NRK: variants seen among roughly 807,000 people sequenced by gnomAD.
NRK encodes the protein nik-related protein kinase.
Under a neutral mutation model 125.2 loss-of-function variants are expected in NRK, and 67 were observed. The ratio of observed to expected loss-of-function variants is 0.54; its 90% CI spans 0.44 to 0.66. NRK has a LOEUF of 0.66. NRK is among the 30% of genes least tolerant of loss of function. NRK has a pLI of 0.00. For synonymous variants in NRK, 458 were observed against 429.0 expected (o/e 1.07, Z -0.84); for missense variants, 1,224 against 1,192.9 (o/e 1.03, Z -0.38).
At chrX:105,947,973 C>T (rs1284746410) in intron 26 of NRK, among the ~76,000 whole-genome samples, 1 of 111,858 alleles carries the variant, frequency 8.9e-6, no homozygotes, top group African/African-American at 3.2e-5. Flanking sequence ...AAATACTGAA[C>T]CAATCTTAGC....
At chrX:105,895,151 A>T in intron 6 of NRK, 1 of 479,539 alleles carries the variant, frequency 2.1e-6, no homozygotes, top group Non-Finnish European at 3.7e-6. Context: ...GCTAAAAAGG[A>T]AGGTAAAGTG....
At chrX:105,954,912 C>T (rs1276057706) in intron 28 of NRK, among the ~76,000 whole-genome samples, 1 of 111,501 alleles carries the variant, frequency 9.0e-6, no homozygotes, top group East Asian at 2.8e-4. Flanking sequence ...AAATGATAAC[C>T]ACATGAGGTG....
chrX:105,951,645 A>G (rs2040899682), intron 27 of NRK, among the ~76,000 whole-genome samples: 1 of 112,257 alleles, frequency 8.9e-6, no homozygotes, highest in Admixed American at 9.5e-5. Flanking sequence ...ATGTGTTCAA[A>G]TCATTGCTCT....
intron 1 of NRK, among the ~76,000 whole-genome samples, chrX:105,827,180 C>CA (rs746098728): frequency 1.8e-5 from 2 of 111,571 alleles, no homozygotes; most frequent in Non-Finnish European, 3.8e-5. Context: ...CTCTGAAACT[C>CA]ACTCAGGCAC....
chrX:105,858,303 G>A (rs1478937339), intron 2 of NRK, among the ~76,000 whole-genome samples: 1 of 109,385 alleles, frequency 9.1e-6, no homozygotes, highest in Non-Finnish European at 1.9e-5. Flanking sequence ...TCATAGAAAT[G>A]CACACTAAAA....
chrX:105,894,013 T>C, intron 6 of NRK, 71 bp downstream of exon 6: 1 of 529,588 alleles, frequency 1.9e-6, no homozygotes, highest in East Asian at 3.7e-5. Context: ...ATGCACCTTA[T>C]ACCTGCTCAC....
intron 2 of NRK, among the ~76,000 whole-genome samples, chrX:105,857,978 G>A (rs981879854): frequency 9.0e-6 from 1 of 110,625 alleles, no homozygotes; most frequent in Non-Finnish European, 1.9e-5. Context: ...GTCACCTGAG[G>A]AACCCTACCT....
chrX:105,838,413 A>G (rs1041699497), intron 2 of NRK, among the ~76,000 whole-genome samples: 1 of 110,809 alleles, frequency 9.0e-6, no homozygotes, highest in Admixed American at 9.7e-5. Context: ...GTTAAGGTTA[A>G]TACTAGTGAG....
chrX:105,894,559 G>C (rs770226084), intron 6 of NRK, among the ~76,000 whole-genome samples: 24 of 111,560 alleles, frequency 2.2e-4, no homozygotes, highest in African/African-American at 6.2e-4. Flanking sequence ...ATTTTGGTTG[G>C]ATTCACTTGT....
At position 105,947,460 on chromosome X, in the gene NRK, A is replaced by G. The variant is rs926293468; in HGVS notation, c.4353+996A>G. ...TCCGTCTCAAAAAAAAAAAAAAAAA[A>G]AAAGAAAGAAATACGGTGCAACATC... is the stretch of plus-strand genomic sequence containing the variant. On this transcript the variant is annotated intron_variant, in intron 26 of 28. Coordinates refer to ENST00000243300, the MANE Select transcript of NRK (RefSeq NM_198465.4). Among the ~76,000 whole-genome samples, 87 of 56,896 alleles carry G rather than the reference A, an allele frequency of 1.5e-3. 9 individuals carry two copies. The highest frequency in any genetic ancestry group is 3.6e-3 in the African/African-American group (20 of 5,581). The allele number at this position is 56,896 out of a possible 115,157, so 49.4% of individuals were successfully genotyped here.
intron 2 of NRK, among the ~76,000 whole-genome samples, chrX:105,843,104 GTGCAT>G (rs2039350501): frequency 8.9e-6 from 1 of 111,800 alleles, no homozygotes; most frequent in Admixed American, 9.5e-5. Flanking sequence ...ACCTAGTAAA[GTGCAT>G]TGTACATATT....
intron 18 of NRK, among the ~76,000 whole-genome samples, chrX:105,924,171 G>A (rs150768845): frequency 0.012 from 1,359 of 109,722 alleles, 14 homozygotes; most frequent in Non-Finnish European, 0.02. Context: ...CATGAGGTAT[G>A]TATTGCTGAA....
intron 2 of NRK, among the ~76,000 whole-genome samples, chrX:105,836,829 G>C (rs774618390): frequency 7.1e-5 from 8 of 111,940 alleles, no homozygotes; most frequent in Admixed American, 6.6e-4. Flanking sequence ...ATAAAATGGG[G>C]CTAATAATAC....
chrX:105,842,768 A>T (rs967863024), intron 2 of NRK, among the ~76,000 whole-genome samples: 1 of 111,256 alleles, frequency 9.0e-6, no homozygotes, highest in African/African-American at 3.3e-5. Context: ...AAGCAGGTGG[A>T]TGGAAACAGT....
intron 16 of NRK, among the ~76,000 whole-genome samples, chrX:105,920,361 T>C (rs1172761958): frequency 9.5e-6 from 1 of 105,208 alleles, no homozygotes; most frequent in Non-Finnish European, 1.9e-5. Flanking sequence ...GGCTTAGGAT[T>C]GACTTGGCGA....
chrX:105,915,085 T>A (rs778737463), intron 14 of NRK, among the ~76,000 whole-genome samples: 2 of 109,475 alleles, frequency 1.8e-5, no homozygotes, highest in East Asian at 5.7e-4. Flanking sequence ...ATTGTATGAT[T>A]AGTAAAATGC....
intron 4 of NRK, among the ~76,000 whole-genome samples, chrX:105,885,772 G>A (rs951119332): frequency 1.5e-4 from 17 of 111,643 alleles, no homozygotes; most frequent in African/African-American, 5.5e-4. Flanking sequence ...TTCTGATAGC[G>A]CTCGGAGTAA....
rs1218283633 is a variant in NRK at position 105,958,023 on chromosome X, A to C, written c.*2423A>C. 1 of 112,383 alleles carries C rather than the reference A, an allele frequency of 8.9e-6. No homozygotes were observed. Among genetic ancestry groups the C allele is most frequent in the East Asian group, 2.8e-4 (1 of 3,557 alleles). 9.3% of individuals were successfully genotyped at this position (112,383 alleles called of 1,213,427 possible). ...GGGCTCCTGACTAGACAATTTCCCT[A>C]GCCCTTGTGATTTGAAGCATGAAAG... On this transcript the variant is annotated 3_prime_UTR_variant, in exon 29 of 29. Transcript: ENST00000243300.
At chrX:105,898,420 A>G (rs2040112745) in intron 7 of NRK, among the ~76,000 whole-genome samples, 164 bp from the exon 8 acceptor site, 1 of 112,277 alleles carries the variant, frequency 8.9e-6, no homozygotes, top group Non-Finnish European at 1.9e-5. Context: ...GGAAAAGCTT[A>G]TTTCCCAGTA....
Sources: gnomAD v4.1 joint callset for allele counts (sites outside exome capture counted in the v4.1 genomes callset) on GRCh38, gnomAD v4.1.1 for gene constraint, MANE v1.5 for transcripts, NCBI Gene and HGNC (gene_info 2026-07-23, HGNC 2026-07-21) for gene names.